Variants in WDR93 observed in about 807,000 individuals in gnomAD.
WDR93 encodes the protein WD repeat domain 93.
A neutral mutation model predicts 82.9 loss-of-function variants in WDR93; 73 were observed. The ratio of observed to expected loss-of-function variants is 0.88; its 90% CI spans 0.73 to 1.07. WDR93 has a LOEUF of 1.07. Among genes scored for constraint, WDR93 ranks in the 50% least tolerant of loss-of-function variants. The pLI is 0.00. For missense variants in WDR93, 738 were observed against 826.0 expected (o/e 0.89, Z 1.31); for synonymous variants, 283 against 300.1 (o/e 0.94, Z 0.59).
intron 16 of WDR93, among the ~76,000 whole-genome samples, chr15:89,738,821 A>C (rs577205067): frequency 2.0e-5 from 3 of 151,178 alleles, no homozygotes; most frequent in African/African-American, 7.3e-5. Flanking sequence ...TTCCCTCTTA[A>C]AAGTATGTTT....
rs754548573 is a variant in WDR93, at chr15:89,729,675, C to G, written c.1124-8C>G. 3 of 1,611,656 alleles carry G rather than the reference C, an allele frequency of 1.9e-6. No homozygotes were observed. The highest frequency in any genetic ancestry group is 2.5e-6 in the Non-Finnish European group (3 of 1,179,066). ...CCATTTTCTGTCTTTCCCCCGCCCCCCCACCAGGAATGGCCTGTGTCCTTG... is the reference window on the plus strand; with the variant it reads ...CCATTTTCTGTCTTTCCCCCGCCCCGCCACCAGGAATGGCCTGTGTCCTTG... On this transcript the variant is annotated splice_polypyrimidine_tract_variant and splice_region_variant and intron_variant, in intron 10 of 16. Transcript: ENST00000268130.
intron 4 of WDR93, among the ~76,000 whole-genome samples, chr15:89,710,031 G>T (rs1361552833): frequency 1.3e-5 from 2 of 152,018 alleles, no homozygotes; most frequent in Non-Finnish European, 2.9e-5. Context: ...GTGCTGGCAC[G>T]CGCCTGTAGT....
Position 89,712,441 on chromosome 15 carries a change from T to C in WDR93, c.640+337T>C, listed in dbSNP as rs992909983. Among the ~76,000 whole-genome samples, 3 of 129,332 alleles carry C rather than the reference T, an allele frequency of 2.3e-5. No homozygotes were observed. In the South Asian group the frequency reaches 7.9e-4, roughly 34 times the overall value. 84.8% of individuals were successfully genotyped at this position (129,332 alleles called of 152,430 possible). A position where few individuals can be genotyped will look rare whatever the true frequency, so the allele number is the denominator to read the frequency against. On this transcript the variant is annotated intron_variant, in intron 5 of 16. Transcript: ENST00000268130. ...TTTTGCTCCAAAGTTCAATCTGGGA[T>C]ACCATATTATATTTAGTCATTGTGT...
intron 12 of WDR93, 40 bp from the exon 13 acceptor site, chr15:89,732,966 A>G (rs772737369): frequency 1.0e-5 from 16 of 1,596,930 alleles, no homozygotes; most frequent in South Asian, 6.6e-5. Flanking sequence ...CTCCTCCCCT[A>G]CCCCGTTTTC....
intron 1 of WDR93, among the ~76,000 whole-genome samples, chr15:89,701,184 A>C (rs886940582): frequency 2.6e-5 from 4 of 152,052 alleles, no homozygotes; most frequent in Non-Finnish European, 4.4e-5. Context: ...GAAAAATCTC[A>C]TGGGCCCTGA....
At chr15:89,693,486 T>G (rs1005360806) in intron 1 of WDR93, among the ~76,000 whole-genome samples, 3 of 152,230 alleles carry the variant, frequency 2.0e-5, no homozygotes, top group Admixed American at 2.0e-4. Context: ...TGACTGGATA[T>G]GATGGTAGAT....
chr15:89,727,666 A>G (rs1048885014), intron 9 of WDR93, among the ~76,000 whole-genome samples: 1 of 152,248 alleles, frequency 6.6e-6, no homozygotes, highest in Non-Finnish European at 1.5e-5. Context: ...ACAAAGGCTG[A>G]TAATAATGGA....
At chr15:89,725,774 C>G (rs1966712975) in intron 8 of WDR93, among the ~76,000 whole-genome samples, 1 of 151,972 alleles carries the variant, frequency 6.6e-6, no homozygotes. Flanking sequence ...TGTTGCCTGG[C>G]TGGTCTCAAA....
intron 3 of WDR93, 192 bp from the exon 4 acceptor site, chr15:89,705,359 AAAC>A (rs555545717): frequency 0.01 from 6,023 of 587,590 alleles, 49 homozygotes; most frequent in Non-Finnish European, 0.014. Context: ...CCAGGAAGGA[AAAC>A]AACCCGAACA....
intron 16 of WDR93, among the ~76,000 whole-genome samples, chr15:89,742,722 G>A (rs906643678): frequency 6.6e-6 from 1 of 151,950 alleles, no homozygotes; most frequent in Non-Finnish European, 1.5e-5. Context: ...TAGTAGAGAC[G>A]GGGTTTCTCC....
chr15:89,736,387 C>A (rs938516415), intron 14 of WDR93, among the ~76,000 whole-genome samples: 4 of 152,062 alleles, frequency 2.6e-5, no homozygotes, highest in Non-Finnish European at 2.9e-5. Flanking sequence ...GAGCCAAGGG[C>A]TGAAAATGTA....
chr15:89,740,531 C>A (rs1967582636), intron 16 of WDR93, among the ~76,000 whole-genome samples: 2 of 152,030 alleles, frequency 1.3e-5, no homozygotes, highest in Admixed American at 1.3e-4. Flanking sequence ...AACAGAGTTT[C>A]ACTCTTATCA....
chr15:89,719,239 T>G (rs1315956356), intron 7 of WDR93, among the ~76,000 whole-genome samples: 1 of 152,160 alleles, frequency 6.6e-6, no homozygotes, highest in African/African-American at 2.4e-5. Flanking sequence ...AGTTGTGTGC[T>G]GCTATGCTTG....
chr15:89,707,852 G>A (rs764236233), intron 4 of WDR93, among the ~76,000 whole-genome samples: 8 of 152,200 alleles, frequency 5.3e-5, no homozygotes, highest in Non-Finnish European at 1.2e-4. Context: ...AATGTTCATA[G>A]CAGCTTTATT....
rs894694523 is a variant in WDR93, at chr15:89,727,429, T to C, written c.1052+101T>C. On this transcript the variant is annotated intron_variant, in intron 9 of 16. Transcript: ENST00000268130. ...CAGGGACCTGAATTAATCTGAGATT[T>C]AAAAGCTCTTTCTGGGGCCGGGACA... 104 of 1,308,040 alleles carry C rather than the reference T, an allele frequency of 8.0e-5. No homozygotes were observed. The Middle Eastern group carries it at 1.9e-3, about 24-fold the overall frequency. 81.0% of individuals were successfully genotyped at this position (1,308,040 alleles called of 1,614,324 possible).
intron 1 of WDR93, among the ~76,000 whole-genome samples, chr15:89,697,438 A>G (rs1194287915): frequency 2.0e-5 from 3 of 152,184 alleles, no homozygotes; most frequent in African/African-American, 7.2e-5. Context: ...TCTTGTATAC[A>G]TTGAACCATC....
In WDR93 at chr15:89,701,996, G is replaced by A. The variant is rs1484856527; in HGVS notation, c.250G>A (p.Ala84Thr). The stretch of plus-strand genomic sequence containing the variant: ...TGAAGAGAGAAACGCACTGAGGGAA[G>A]CTGAGAGCAGCCAGATCCAGCCCAC... ...IIEERNALRE[A>T]ESSQIQPTVY... Residue 84 changes from alanine to threonine, a missense_variant, in exon 2 of 17, where the codon GCT becomes ACT. Ala to Thr is a moderately conservative substitution (Grantham distance 58). Coordinates refer to ENST00000268130, the MANE Select transcript of WDR93 (RefSeq NM_020212.2). 1 of 1,612,950 alleles carries A rather than the reference G, an allele frequency of 6.2e-7. No homozygotes were observed. Among genetic ancestry groups the A allele is most frequent in the Admixed American group, 1.7e-5 (1 of 59,996 alleles).
chr15:89,721,802 TTA>T (rs1436921067), intron 7 of WDR93, among the ~76,000 whole-genome samples: 1 of 152,208 alleles, frequency 6.6e-6, no homozygotes, highest in Non-Finnish European at 1.5e-5. Context: ...TCTAGCCTTT[TTA>T]TAGAGTCTGA....
chr15:89,705,427 G>A (rs1567102710), intron 3 of WDR93, 127 bp from the exon 4 acceptor site: 1 of 698,598 alleles, frequency 1.4e-6, no homozygotes, highest in Non-Finnish European at 2.6e-6. Context: ...GCAGTGGAGG[G>A]GCTGGGAAGG....
Sources: allele counts gnomAD v4.1 joint callset (sites outside exome capture counted in the v4.1 genomes callset), GRCh38; gene constraint gnomAD v4.1.1; transcripts MANE v1.5; gene names NCBI Gene and HGNC (gene_info 2026-07-23, HGNC 2026-07-21).